SUGCT: variants seen among roughly 807,000 people sequenced by gnomAD.
SUGCT encodes succinyl-CoA:glutarate-CoA transferase.
SUGCT carries 41 observed loss-of-function variants against 55.0 expected under a neutral mutation model. The observed-to-expected ratio is 0.74, with a 90% CI of 0.58 to 0.97. The LOEUF is 0.97. SUGCT is among the 50% of genes least tolerant of loss of function. The pLI is 0.00. For missense variants in SUGCT, 568 were observed against 547.8 expected (o/e 1.04, Z -0.37); for synonymous variants, 187 against 200.4 (o/e 0.93, Z 0.56).
At chr7:41,017,255 T>A in the SUGCT span, among the ~76,000 whole-genome samples, 1 of 152,160 alleles carries the variant, frequency 6.6e-6, no homozygotes, top group Non-Finnish European at 1.5e-5. Context: ...CAAAGGGGCC[T>A]GGGTTATTGG....
At chr7:40,747,969 G>C (rs927142925) in intron 12 of SUGCT, among the ~76,000 whole-genome samples, 6 of 152,066 alleles carry the variant, frequency 3.9e-5, no homozygotes, top group Admixed American at 6.6e-5. Flanking sequence ...TCCAGCCTTC[G>C]TTTGCCAGGG....
the SUGCT span, among the ~76,000 whole-genome samples, chr7:41,001,915 A>C: frequency 6.6e-6 from 1 of 152,260 alleles, no homozygotes; most frequent in Admixed American, 6.5e-5. Flanking sequence ...GTATACAGAA[A>C]GAATCTGATG....
chr7:40,806,183 G>T (rs1791079992), intron 13 of SUGCT, among the ~76,000 whole-genome samples: 1 of 152,128 alleles, frequency 6.6e-6, no homozygotes, highest in Non-Finnish European at 1.5e-5. Context: ...TTAAAAAGGG[G>T]CGATGTCTAA....
intron 1 of SUGCT, among the ~76,000 whole-genome samples, chr7:40,165,690 G>A (rs945879143): frequency 2.6e-5 from 4 of 151,612 alleles, no homozygotes; most frequent in Non-Finnish European, 5.9e-5. Context: ...TAAGTATAGC[G>A]CATTAAGAAG....
chr7:40,689,263 G>A (rs929011070), intron 12 of SUGCT, among the ~76,000 whole-genome samples: 2 of 152,152 alleles, frequency 1.3e-5, no homozygotes, highest in Non-Finnish European at 2.9e-5. Flanking sequence ...TGTTGTTCTA[G>A]AGAAGACTTA....
At chr7:40,976,506 C>T in the SUGCT span, among the ~76,000 whole-genome samples, 1 of 152,216 alleles carries the variant, frequency 6.6e-6, no homozygotes, top group Admixed American at 6.5e-5. Flanking sequence ...CAAACTATGA[C>T]TACCTTTCCT....
rs959274263 is a variant in SUGCT, at chr7:40,479,805, T to C, written c.987-16479T>C. On this transcript the variant is annotated intron_variant, in intron 11 of 13. Coordinates refer to ENST00000335693, the MANE Select transcript of SUGCT (RefSeq NM_001193313.2). ...CACCTTTTTATATATCTGTTGGTCA[T>C]TTGTACGTCTTCTTTTATGAAATGC... Among the ~76,000 whole-genome samples, 3 of 152,186 alleles carry C rather than the reference T, an allele frequency of 2.0e-5. 1 individual carries two copies. In the East Asian group the frequency reaches 5.8e-4, roughly 29 times the overall value.
intron 12 of SUGCT, among the ~76,000 whole-genome samples, chr7:40,535,565 A>G (rs978780083): frequency 6.6e-6 from 1 of 152,208 alleles, no homozygotes; most frequent in African/African-American, 2.4e-5. Context: ...AGACACATGC[A>G]CTTACATGTT....
intron 9 of SUGCT, among the ~76,000 whole-genome samples, chr7:40,425,756 G>A (rs899690981): frequency 2.0e-5 from 3 of 152,072 alleles, no homozygotes; most frequent in Admixed American, 6.6e-5. Context: ...TCTCAGGTAT[G>A]TTCACATAAC....
intron 13 of SUGCT, among the ~76,000 whole-genome samples, chr7:40,848,364 A>G (rs939017400): frequency 3.3e-5 from 5 of 152,288 alleles, no homozygotes; most frequent in African/African-American, 1.2e-4. Flanking sequence ...GGAAATGTAT[A>G]TATACTGGAC....
At position 40,135,005 on chromosome 7, in the gene SUGCT, A is replaced by G. The variant is rs773532950; in HGVS notation, c.-16A>G. The G allele has an allele frequency of 5.8e-6, 9 of 1,555,506 alleles. No homozygotes were observed. The African/African-American group carries it at 8.3e-5, about 14-fold the overall frequency. ...CGCCGCTTGCACCGGGACCGATGCC[A>G]TCTGAGACGCACGCGATGCTGGCGA... On this transcript the variant is annotated 5_prime_UTR_variant, in exon 1 of 14. Transcript: ENST00000335693.
chr7:40,958,394 G>T, the SUGCT span, among the ~76,000 whole-genome samples: 2 of 151,470 alleles, frequency 1.3e-5, no homozygotes. Flanking sequence ...TTGTCTTCAC[G>T]CTTTATTTCA....
intron 12 of SUGCT, among the ~76,000 whole-genome samples, chr7:40,599,248 C>T (rs1388188282): frequency 6.6e-6 from 1 of 152,138 alleles, no homozygotes; most frequent in Non-Finnish European, 1.5e-5. Context: ...GAGAGGGTTT[C>T]TCAGAAGTTT....
At chr7:40,310,839 A>G (rs1159058912) in intron 8 of SUGCT, among the ~76,000 whole-genome samples, 1 of 152,184 alleles carries the variant, frequency 6.6e-6, no homozygotes, top group Non-Finnish European at 1.5e-5. Flanking sequence ...ATCTTTGATC[A>G]TCCCTTTGGT....
intron 12 of SUGCT, among the ~76,000 whole-genome samples, chr7:40,739,975 G>A (rs1787377246): frequency 6.6e-6 from 1 of 152,050 alleles, no homozygotes; most frequent in Non-Finnish European, 1.5e-5. Flanking sequence ...GGTAAGAATT[G>A]CATTAAACTT....
chr7:40,890,240 ATATT>A, the SUGCT span, among the ~76,000 whole-genome samples: 1 of 141,364 alleles, frequency 7.1e-6, no homozygotes, highest in African/African-American at 2.5e-5. Context: ...ATATAATTAA[ATATT>A]TATATTATAT....
At chr7:40,991,167 C>T in the SUGCT span, among the ~76,000 whole-genome samples, 2 of 152,084 alleles carry the variant, frequency 1.3e-5, no homozygotes, top group African/African-American at 4.8e-5. Context: ...ACTTAGATGC[C>T]ATTGCAGGGT....
At chr7:40,754,247 A>G (rs1788150705) in intron 13 of SUGCT, among the ~76,000 whole-genome samples, 1 of 152,206 alleles carries the variant, frequency 6.6e-6, no homozygotes, top group Non-Finnish European at 1.5e-5. Flanking sequence ...AAGTGAGAAC[A>G]GGTATTATGT....
chr7:40,623,653 T>C (rs1799378657), intron 12 of SUGCT, among the ~76,000 whole-genome samples: 1 of 152,206 alleles, frequency 6.6e-6, no homozygotes, highest in South Asian at 2.1e-4. Context: ...GATTATTTAC[T>C]CAGATAATAA....
Sources: allele counts gnomAD v4.1 joint callset (sites outside exome capture counted in the v4.1 genomes callset), GRCh38; gene constraint gnomAD v4.1.1; transcripts MANE v1.5; gene names NCBI Gene and HGNC (gene_info 2026-07-23, HGNC 2026-07-21).